SYNJ2: variants seen among roughly 807,000 people sequenced by gnomAD.
SYNJ2 encodes polyphosphatidylinositol phosphatase SYNJ2.
Under a neutral mutation model 141.3 loss-of-function variants are expected in SYNJ2, and 116 were observed. The observed-to-expected ratio is 0.82, with a 90% CI of 0.71 to 0.96. SYNJ2 has a LOEUF of 0.96. SYNJ2 is among the 40% of genes least tolerant of loss of function. SYNJ2 has a pLI of 0.00. For synonymous variants in SYNJ2, 745 were observed against 777.7 expected, an observed-to-expected ratio of 0.96 and a Z score of 0.70; for missense variants, 1,873 against 1,934.8, an observed-to-expected ratio of 0.97 and a Z score of 0.60.
At chr6:158,055,064 G>A in intron 6 of SYNJ2, 36 bp downstream of exon 6, 1 of 1,609,444 alleles carries the variant, frequency 6.2e-7, no homozygotes, top group Non-Finnish European at 8.5e-7. Flanking sequence ...GCCTGTCATT[G>A]TCATCCTTAG....
At chr6:158,066,333 T>G (rs989037553) in intron 11 of SYNJ2, 111 bp from the exon 12 acceptor site, 1 of 1,256,542 alleles carries the variant, frequency 8.0e-7, no homozygotes, top group African/African-American at 1.5e-5. Flanking sequence ...CTGGTTTATC[T>G]CTAGAGGCTC....
At chr6:158,055,099 G>T in intron 6 of SYNJ2, 71 bp downstream of exon 6, 1 of 1,551,852 alleles carries the variant, frequency 6.4e-7, no homozygotes, top group Non-Finnish European at 8.8e-7. Flanking sequence ...TCAGACACAA[G>T]GGAGAGGGTG....
At chr6:158,066,166 C>T (rs1336686831) in intron 11 of SYNJ2, among the ~76,000 whole-genome samples, 1 of 152,152 alleles carries the variant, frequency 6.6e-6, no homozygotes, top group Non-Finnish European at 1.5e-5. Flanking sequence ...TCCCTATGGT[C>T]TGATGTCCCA....
rs1414628236 is a variant in SYNJ2 at position 158,059,372 on chromosome 6, C to T, written c.954+19C>T. ...CTTCAAGGTAAGGCCAGGCTGTCCT[C>T]TCCACAGCTGGGCTGGGCGGCAGGT... On this transcript the variant is annotated intron_variant, in intron 7 of 26. Coordinates refer to ENST00000355585, the MANE Select transcript of SYNJ2 (RefSeq NM_003898.4). The T allele has an allele frequency of 1.3e-6, 2 of 1,548,952 alleles. No homozygotes were observed. The highest frequency in any genetic ancestry group is 8.7e-7 in the Non-Finnish European group (1 of 1,146,382).
At chr6:158,005,405 G>A (rs1263730285) in intron 1 of SYNJ2, among the ~76,000 whole-genome samples, 1 of 152,088 alleles carries the variant, frequency 6.6e-6, no homozygotes, top group Non-Finnish European at 1.5e-5. Context: ...CACTGGGATG[G>A]CGACCCTTAG....
At chr6:158,031,336 T>G (rs73015989) in intron 3 of SYNJ2, among the ~76,000 whole-genome samples, 5,066 of 152,270 alleles carry the variant, frequency 0.033, 226 homozygotes, top group South Asian at 0.2. Flanking sequence ...CTCTTCCCTA[T>G]GCCAGCTCTG....
chr6:158,076,907 C>A, intron 17 of SYNJ2, 125 bp downstream of exon 17: 2 of 1,217,296 alleles, frequency 1.6e-6, no homozygotes, highest in Non-Finnish European at 2.2e-6. Flanking sequence ...CCCCAGATGA[C>A]ACAAAAGTCA....
In SYNJ2 at chr6:158,076,918, T is replaced by A. The variant is rs1782334077; in HGVS notation, c.2449+136T>A. 2.7e-6 allele frequency: 3 copies of A among 1,115,536 alleles called. No individual in the cohort carries two copies. In the African/African-American group the frequency reaches 4.7e-5, roughly 18 times the overall value. 69.1% of individuals were successfully genotyped at this position (1,115,536 alleles called of 1,614,324 possible). On this transcript the variant is annotated intron_variant, in intron 17 of 26. Coordinates refer to ENST00000355585, the MANE Select transcript of SYNJ2 (RefSeq NM_003898.4). The stretch of plus-strand genomic sequence containing the variant: ...ATAACCCCAGATGACACAAAAGTCA[T>A]CCCAGACCTTAACCCCTAAGCTTTG...
intron 1 of SYNJ2, among the ~76,000 whole-genome samples, chr6:157,992,190 C>G (rs1777465965): frequency 1.3e-5 from 2 of 152,216 alleles, no homozygotes; most frequent in South Asian, 4.2e-4. Context: ...CCATGTTGTG[C>G]TATCAAGTAC....
chr6:158,083,418 T>C lies in SYNJ2; in HGVS notation c.2866-11T>C, dbSNP rs1782829110. 3 of 1,611,716 alleles carry C rather than the reference T, an allele frequency of 1.9e-6. No homozygotes were observed. On this transcript the variant is annotated splice_polypyrimidine_tract_variant and intron_variant, in intron 20 of 26. Transcript: ENST00000355585. ...TTTATTTATTCCTGGGTGGCCGCTC[T>C]GCCCTCCCAGGTGAAAGGCAGAGCA...
chr6:158,056,868 C>T (rs965596377), intron 6 of SYNJ2, among the ~76,000 whole-genome samples: 4 of 152,168 alleles, frequency 2.6e-5, no homozygotes, highest in Non-Finnish European at 2.9e-5. Flanking sequence ...CCCTGTTAGC[C>T]GAGGCGGTCT....
chr6:158,028,613 T>C, intron 2 of SYNJ2, 143 bp from the exon 3 acceptor site: 1 of 1,095,314 alleles, frequency 9.1e-7, no homozygotes, highest in Non-Finnish European at 1.3e-6. Context: ...AGCCATTGAG[T>C]TGGGCAATGC....
intron 2 of SYNJ2, chr6:158,028,182 T>C (rs1779157999): frequency 6.4e-6 from 1 of 155,292 alleles, no homozygotes; most frequent in Admixed American, 6.3e-5. Context: ...GGGGAGGGAT[T>C]TGGGAGCTTC....
chr6:158,000,787 G>T (rs1777819849), intron 1 of SYNJ2, among the ~76,000 whole-genome samples: 1 of 152,110 alleles, frequency 6.6e-6, no homozygotes, highest in Admixed American at 6.5e-5. Flanking sequence ...CCCAAGCTGG[G>T]CCTTCTCTTG....
chr6:158,067,933 C>G, intron 12 of SYNJ2: 1 of 985,240 alleles, frequency 1.0e-6, no homozygotes, highest in African/African-American at 1.7e-5. Context: ...CCAGTCCCCA[C>G]GAAAGTGACT....
chr6:157,994,201 A>G (rs1437736133), intron 1 of SYNJ2, among the ~76,000 whole-genome samples: 1 of 152,142 alleles, frequency 6.6e-6, no homozygotes, highest in Admixed American at 6.5e-5. Flanking sequence ...GAATCTTATC[A>G]ATGACTGATA....
At chr6:158,063,681 A>AC in intron 8 of SYNJ2, 110 bp from the exon 9 acceptor site, 2 of 651,504 alleles carry the variant, frequency 3.1e-6, no homozygotes, top group South Asian at 4.1e-5. Context: ...AAAAAAAAAA[A>AC]AAAAAACCAT....
In SYNJ2 at chr6:158,070,347, T is replaced by C. The variant is rs940060048; in HGVS notation, c.1940+674T>C. On this transcript the variant is annotated intron_variant, in intron 14 of 26. Coordinates refer to ENST00000355585, the MANE Select transcript of SYNJ2 (RefSeq NM_003898.4). This position sits in a 1 kb window ranked among gnomAD's most constrained non-coding sequence, Gnocchi z 4.0. ...GCCCCTGGGTCCCGGGAAGGGCCTG[T>C]GCCTGCCAAGAGCACCACGGGTACA... The C allele has an allele frequency of 3.0e-6, 3 of 985,410 alleles. No homozygotes were observed. Among genetic ancestry groups the C allele is most frequent in the Non-Finnish European group, 3.6e-6 (3 of 830,026 alleles). The allele number at this position is 985,410 out of a possible 1,614,324, so 61.0% of individuals were successfully genotyped here. A position where few individuals can be genotyped will look rare whatever the true frequency, so the allele number is the denominator to read the frequency against.
chr6:158,078,322 C>A, intron 18 of SYNJ2, 41 bp downstream of exon 18: 2 of 1,373,542 alleles, frequency 1.5e-6, no homozygotes, highest in Admixed American at 1.7e-5. Flanking sequence ...CTGTGCTGGG[C>A]AAGGCAGCGT....
Sources: gnomAD v4.1 joint callset for allele counts (sites outside exome capture counted in the v4.1 genomes callset) on GRCh38, gnomAD v4.1.1 for gene constraint, Gnocchi (gnomAD v3.1) non-coding constraint, MANE v1.5 for transcripts, NCBI Gene and HGNC (gene_info 2026-07-23, HGNC 2026-07-21) for gene names.